SV2C: variants seen among roughly 807,000 people sequenced by gnomAD.
SV2C encodes the protein synaptic vesicle glycoprotein 2C.
Under a neutral mutation model 79.7 loss-of-function variants are expected in SV2C, and 49 were observed. The observed-to-expected ratio is 0.61, with a 90% CI of 0.49 to 0.78. The LOEUF (loss-of-function observed/expected upper bound fraction) is 0.78, where lower values mean the gene tolerates loss of function less well. SV2C is among the 30% of genes least tolerant of loss of function. SV2C has a pLI of 0.00. For synonymous variants in SV2C, 334 were observed against 333.2 expected, an observed-to-expected ratio of 1.00 and a Z score of -0.03; for missense variants, 833 against 912.9, an observed-to-expected ratio of 0.91 and a Z score of 1.13.
Position 76,139,426 on chromosome 5 carries a change from A to G in SV2C, c.580+7096A>G, listed in dbSNP as rs867599151. ...ATTCAGCTTTCTCTAGAGCTTGCCC[A>G]TCAGAAATATGCTGGCCAAAGATTG... On this transcript the variant is annotated intron_variant, in intron 2 of 12. Coordinates refer to ENST00000502798, the MANE Select transcript of SV2C (RefSeq NM_014979.4). Among the ~76,000 whole-genome samples, 8 of 152,352 alleles carry G rather than the reference A, an allele frequency of 5.3e-5. No individual in the cohort carries two copies. The South Asian group carries it at 8.3e-4, about 16-fold the overall frequency.
chr5:76,086,173 A>G (rs976286716), intron 1 of SV2C, among the ~76,000 whole-genome samples: 4 of 152,194 alleles, frequency 2.6e-5, no homozygotes, highest in African/African-American at 9.7e-5. Context: ...TAACCCTATC[A>G]TATTCCTTAA....
the SV2C span, among the ~76,000 whole-genome samples, chr5:76,046,020 G>C: frequency 2.0e-5 from 3 of 152,172 alleles, no homozygotes; most frequent in Admixed American, 2.0e-4. Context: ...CAGACTATGA[G>C]TCTGTAGAGC....
chr5:75,950,960 G>A, the SV2C span, among the ~76,000 whole-genome samples: 1 of 151,900 alleles, frequency 6.6e-6, no homozygotes, highest in African/African-American at 2.4e-5. Context: ...TTTAAAATGA[G>A]GGAAATTAGT....
chr5:76,040,950 A>G, the SV2C span, among the ~76,000 whole-genome samples: 1 of 152,174 alleles, frequency 6.6e-6, no homozygotes, highest in African/African-American at 2.4e-5. Context: ...ACTGGTCTCA[A>G]GGTATGTGGT....
intron 12 of SV2C, among the ~76,000 whole-genome samples, chr5:76,316,975 G>A (rs1057303554): frequency 1.3e-5 from 2 of 152,000 alleles, no homozygotes; most frequent in Non-Finnish European, 2.9e-5. Flanking sequence ...TAATTTTGGG[G>A]TCTCTGGAGC....
At chr5:76,143,719 T>C (rs554452304) in intron 2 of SV2C, among the ~76,000 whole-genome samples, 1 of 152,352 alleles carries the variant, frequency 6.6e-6, no homozygotes, top group South Asian at 2.1e-4. Flanking sequence ...CTTTCTGCCT[T>C]CCTAGTAGTG....
the SV2C span, among the ~76,000 whole-genome samples, chr5:76,026,554 A>G: frequency 6.6e-6 from 1 of 152,306 alleles, no homozygotes; most frequent in Middle Eastern, 3.4e-3. Flanking sequence ...AATACATAGA[A>G]ATAATTCCCA....
At chr5:76,068,408 T>C in the SV2C span, among the ~76,000 whole-genome samples, 1 of 152,182 alleles carries the variant, frequency 6.6e-6, no homozygotes, top group African/African-American at 2.4e-5. Flanking sequence ...GTTTACTCTT[T>C]TTTAAAAAAT....
intron 2 of SV2C, among the ~76,000 whole-genome samples, chr5:76,173,282 T>G (rs994861854): frequency 6.6e-6 from 1 of 151,066 alleles, no homozygotes; most frequent in Non-Finnish European, 1.5e-5. Context: ...TATTGTACTC[T>G]CCAATACAAA....
Position 76,289,120 on chromosome 5 carries a change from C to T in SV2C, c.1138-2101C>T, listed in dbSNP as rs1023607300. On this transcript the variant is annotated intron_variant, in intron 6 of 12. Transcript: ENST00000502798. Reference sequence around the variant, plus strand: ...CAGGCTGGTCTCAAACTCCTAGGCTCAAGTGATCCTTCTGCCTCAGCCTCG... The same window carrying T: ...CAGGCTGGTCTCAAACTCCTAGGCTTAAGTGATCCTTCTGCCTCAGCCTCG... Among the ~76,000 whole-genome samples the T allele has an allele frequency of 2.6e-5, 4 of 152,188 alleles. No homozygotes were observed. The South Asian group carries it at 8.3e-4, about 32-fold the overall frequency.
At chr5:76,096,777 A>G (rs1205610309) in intron 1 of SV2C, among the ~76,000 whole-genome samples, 1 of 152,114 alleles carries the variant, frequency 6.6e-6, no homozygotes, top group African/African-American at 2.4e-5. Context: ...CCTAGGCCTC[A>G]CCCAATCTGT....
At chr5:76,035,769 G>C in the SV2C span, among the ~76,000 whole-genome samples, 4 of 151,978 alleles carry the variant, frequency 2.6e-5, no homozygotes, top group Admixed American at 6.6e-5. Context: ...GGTCTGCTTG[G>C]TGCAGAGCTG....
the SV2C span, among the ~76,000 whole-genome samples, chr5:76,017,850 G>A: frequency 1.3e-5 from 2 of 152,166 alleles, no homozygotes; most frequent in African/African-American, 2.4e-5. Context: ...GGAAGTGGCG[G>A]TAGGAAGAAA....
chr5:76,175,727 CA>C (rs761736759), intron 2 of SV2C, among the ~76,000 whole-genome samples: 15 of 152,058 alleles, frequency 9.9e-5, no homozygotes, highest in Non-Finnish European at 1.5e-4. Flanking sequence ...AATTTATTTC[CA>C]ACAGCTGAAA....
the SV2C span, among the ~76,000 whole-genome samples, chr5:75,950,787 T>A: frequency 1.3e-5 from 2 of 151,984 alleles, no homozygotes; most frequent in Admixed American, 1.3e-4. Context: ...TGAGAGTTAT[T>A]CCAAAGAAGG....
the SV2C span, among the ~76,000 whole-genome samples, chr5:75,933,957 A>C: frequency 7.2e-4 from 109 of 152,362 alleles, 1 homozygote; most frequent in East Asian, 0.019. Context: ...ATCAAGATTC[A>C]ACCCAATGAA....
the SV2C span, among the ~76,000 whole-genome samples, chr5:75,992,795 T>G: frequency 1.3e-5 from 2 of 152,044 alleles, no homozygotes; most frequent in African/African-American, 2.4e-5. Flanking sequence ...GTATTGAACA[T>G]CAATGAAATT....
At position 76,131,971 on chromosome 5, in the gene SV2C, G is replaced by C. The variant is rs200962672; in HGVS notation, c.221G>C (p.Gly74Ala). The C allele has an allele frequency of 6.2e-7, 1 of 1,613,960 alleles. No homozygotes were observed. Among genetic ancestry groups the C allele is most frequent in the Non-Finnish European group, 8.5e-7 (1 of 1,179,944 alleles). Residue 74 changes from glycine to alanine, a missense_variant, in exon 2 of 13, where the codon GGC (glycine) becomes GCC (alanine). By Grantham distance (60) the Gly-to-Ala change is moderately conservative. Coordinates refer to ENST00000502798, the MANE Select transcript of SV2C (RefSeq NM_014979.4). ...AATGGTGAGGCCAACGATGACGAAGGCTCAAGTGAAGCCACTGAGGGGCAT... is the reference window on the plus strand; with the variant it reads ...AATGGTGAGGCCAACGATGACGAAGCCTCAAGTGAAGCCACTGAGGGGCAT... Reference protein sequence around the residue: ...TYNGEANDDEGSSEATEGHDE... With the variant: ...TYNGEANDDEASSEATEGHDE...
At chr5:76,218,644 T>A (rs1188613946) in intron 4 of SV2C, among the ~76,000 whole-genome samples, 1 of 152,164 alleles carries the variant, frequency 6.6e-6, no homozygotes, top group Admixed American at 6.5e-5. Flanking sequence ...TAGGACCTAA[T>A]GCATGTGGGG....
Sources: gnomAD v4.1 joint callset for allele counts (sites outside exome capture counted in the v4.1 genomes callset) on GRCh38, gnomAD v4.1.1 for gene constraint, MANE v1.5 for transcripts, NCBI Gene and HGNC (gene_info 2026-07-23, HGNC 2026-07-21) for gene names.